The following ZNF407 variants were observed in gnomAD, a reference collection of about 807,000 sequenced individuals.
The protein encoded by ZNF407 is zinc finger protein 407.
ZNF407 carries 17 observed loss-of-function variants against 131.2 expected under a neutral mutation model. The observed-to-expected ratio is 0.13, with a 90% CI of 0.09 to 0.19. The LOEUF is 0.19. Ranked by LOEUF, ZNF407 falls within the 10% of genes least tolerant of loss-of-function variation. The pLI, the probability that ZNF407 is intolerant of heterozygous loss-of-function variation, is 1.00. For missense variants in ZNF407, 2,681 were observed against 2,830.6 expected, an observed-to-expected ratio of 0.95 and a Z score of 1.20; for synonymous variants, 1,156 against 1,062.0, an observed-to-expected ratio of 1.09 and a Z score of -1.72.
rs1972297232 is a variant in ZNF407 at position 74,958,110 on chromosome 18, A to T, written c.5428+37418A>T. Among the ~76,000 whole-genome samples, 3 of 152,162 alleles carry T rather than the reference A, an allele frequency of 2.0e-5. No individual in the cohort carries two copies. In the South Asian group the frequency reaches 6.2e-4, roughly 32 times the overall value. ...AAGTGGTCTAAAAATGTTCGTCTTC[A>T]CCTACGAGACTCTGGACGTCTTTGA... On this transcript the variant is annotated intron_variant, in intron 8 of 8. Transcript: ENST00000299687.
intron 4 of ZNF407, among the ~76,000 whole-genome samples, chr18:74,787,480 A>G (rs1969741335): frequency 2.0e-5 from 3 of 152,352 alleles, no homozygotes; most frequent in Admixed American, 2.0e-4. Context: ...TCTGTGCTGC[A>G]GAATCTCAGG....
At chr18:74,782,818 A>G (rs926215873) in intron 4 of ZNF407, among the ~76,000 whole-genome samples, 12 of 151,944 alleles carry the variant, frequency 7.9e-5, no homozygotes, top group Non-Finnish European at 1.3e-4. Context: ...ACGGGGTTTC[A>G]CTGTGTTGGC....
At chr18:74,638,036 C>CA (rs1984539689) in intron 2 of ZNF407, among the ~76,000 whole-genome samples, 1 of 152,188 alleles carries the variant, frequency 6.6e-6, no homozygotes, top group African/African-American at 2.4e-5. Context: ...ATTGGTCTGT[C>CA]AAAGCTTTTA....
intron 8 of ZNF407, among the ~76,000 whole-genome samples, chr18:75,025,670 GT>G (rs1254796927): frequency 6.6e-6 from 1 of 152,166 alleles, no homozygotes; most frequent in African/African-American, 2.4e-5. Context: ...TGAAGAGTTT[GT>G]TTGGTATGGG....
intron 3 of ZNF407, among the ~76,000 whole-genome samples, chr18:74,711,440 A>G (rs1025406509): frequency 6.6e-6 from 1 of 152,184 alleles, no homozygotes; most frequent in African/African-American, 2.4e-5. Flanking sequence ...TGATGACACA[A>G]TGTGAGAAGG....
intron 7 of ZNF407, among the ~76,000 whole-genome samples, chr18:74,919,623 C>T (rs1184013231): frequency 6.6e-6 from 1 of 152,106 alleles, no homozygotes; most frequent in Non-Finnish European, 1.5e-5. Flanking sequence ...CTAGATAACC[C>T]CTCAACACCT....
At chr18:74,745,661 T>C (rs927876548) in intron 3 of ZNF407, among the ~76,000 whole-genome samples, 1 of 152,184 alleles carries the variant, frequency 6.6e-6, no homozygotes, top group Non-Finnish European at 1.5e-5. Flanking sequence ...CCATCAATTT[T>C]GGGAAAACAG....
intron 3 of ZNF407, among the ~76,000 whole-genome samples, chr18:74,754,159 G>A (rs1968873047): frequency 6.6e-6 from 1 of 152,040 alleles, no homozygotes; most frequent in Admixed American, 6.6e-5. Context: ...ATTCTCTGAT[G>A]GTAGTTTGTA....
intron 7 of ZNF407, among the ~76,000 whole-genome samples, chr18:74,897,606 A>G (rs942593446): frequency 3.9e-5 from 6 of 152,208 alleles, no homozygotes; most frequent in Admixed American, 2.6e-4. Context: ...GAAGAAAGAA[A>G]GGCCTTAGAG....
chr18:74,908,356 G>A (rs1228881341), intron 7 of ZNF407, among the ~76,000 whole-genome samples: 2 of 151,926 alleles, frequency 1.3e-5, no homozygotes, highest in African/African-American at 2.4e-5. Flanking sequence ...AATCCAAATG[G>A]TATTTATTTT....
intron 8 of ZNF407, among the ~76,000 whole-genome samples, chr18:74,954,128 T>G (rs1226294153): frequency 6.6e-6 from 1 of 152,220 alleles, no homozygotes; most frequent in African/African-American, 2.4e-5. Context: ...ATAACAAAAT[T>G]TAATGCTTTC....
intron 3 of ZNF407, among the ~76,000 whole-genome samples, chr18:74,688,859 C>T (rs1054048019): frequency 1.3e-4 from 20 of 152,068 alleles, no homozygotes; most frequent in Admixed American, 4.6e-4. Context: ...GACAGAGTCT[C>T]GCTCTGTCAC....
At chr18:74,686,370 G>A (rs1307311107) in intron 3 of ZNF407, among the ~76,000 whole-genome samples, 1 of 152,054 alleles carries the variant, frequency 6.6e-6, no homozygotes, top group African/African-American at 2.4e-5. Flanking sequence ...CATAACTCCT[G>A]GTGCTCCTGG....
intron 4 of ZNF407, among the ~76,000 whole-genome samples, chr18:74,820,273 C>T (rs550871151): frequency 9.7e-4 from 147 of 152,188 alleles, no homozygotes; most frequent in Non-Finnish European, 1.8e-3. Flanking sequence ...GAGCAGGCCC[C>T]ACAGGCAACT....
chr18:74,881,545 A>G (rs1016669289), intron 6 of ZNF407, among the ~76,000 whole-genome samples: 6 of 151,866 alleles, frequency 4.0e-5, no homozygotes, highest in African/African-American at 1.2e-4. Flanking sequence ...AGCTAGCGAC[A>G]TGTCTACCCC....
At chr18:74,674,910 A>G (rs1325035032) in intron 3 of ZNF407, among the ~76,000 whole-genome samples, 1 of 152,190 alleles carries the variant, frequency 6.6e-6, no homozygotes, top group African/African-American at 2.4e-5. Context: ...TGTCTCTGTG[A>G]CTAATCACCA....
At chr18:74,778,544 A>T (rs939898916) in intron 3 of ZNF407, among the ~76,000 whole-genome samples, 18 of 152,124 alleles carry the variant, frequency 1.2e-4, no homozygotes, top group African/African-American at 4.3e-4. Context: ...TTTTGAGGGC[A>T]GGGACTTTTA....
chr18:74,715,501 C>T (rs561864808), intron 3 of ZNF407, among the ~76,000 whole-genome samples: 76 of 152,162 alleles, frequency 5.0e-4, no homozygotes, highest in Non-Finnish European at 9.7e-4. Context: ...CAGAGCAGCT[C>T]ATCCCATCAC....
intron 2 of ZNF407, among the ~76,000 whole-genome samples, chr18:74,640,253 T>C (rs1030052314): frequency 2.0e-5 from 3 of 152,146 alleles, no homozygotes; most frequent in Non-Finnish European, 4.4e-5. Flanking sequence ...TTTGAAATAA[T>C]CTTATTTTCT....
Sources: gnomAD v4.1 joint callset for allele counts (sites outside exome capture counted in the v4.1 genomes callset) on GRCh38, gnomAD v4.1.1 for gene constraint, MANE v1.5 for transcripts, NCBI Gene and HGNC (gene_info 2026-07-23, HGNC 2026-07-21) for gene names.